MS4A10: variants seen among roughly 807,000 people sequenced by gnomAD.
The protein encoded by MS4A10 is membrane-spanning 4-domains subfamily A member 10.
Under a neutral mutation model 27.7 loss-of-function variants are expected in MS4A10, and 27 were observed. The observed-to-expected ratio is 0.98, with a 90% CI of 0.72 to 1.35. The LOEUF (loss-of-function observed/expected upper bound fraction) is 1.35. Among genes scored for constraint, MS4A10 ranks in the 40% most tolerant of loss-of-function variants. MS4A10 has a pLI of 0.00. For missense variants in MS4A10, 338 were observed against 324.7 expected (o/e 1.04, Z -0.32); for synonymous variants, 139 against 131.2 (o/e 1.06, Z -0.41).
chr11:60,791,504 G>C (rs1051597597), intron 3 of MS4A10, among the ~76,000 whole-genome samples: 1 of 152,186 alleles, frequency 6.6e-6, no homozygotes, highest in African/African-American at 2.4e-5. Flanking sequence ...TGTGGCTCCT[G>C]TCCTCCCAAG....
At chr11:60,794,556 G>C (rs758467284) in intron 5 of MS4A10, among the ~76,000 whole-genome samples, 1 of 152,228 alleles carries the variant, frequency 6.6e-6, no homozygotes, top group Admixed American at 6.5e-5. Flanking sequence ...AGAGAGGCTA[G>C]ATTAGTGGGT....
At position 60,795,576 on chromosome 11, in the gene MS4A10, C is replaced by T. The variant is rs1285052351; in HGVS notation, c.514C>T (p.Leu172=). Reference sequence around the variant, plus strand: ...TCAGGTCCACATCCAGAGGCTGGAGCTGGCCTTGCTCTGCTTCACTGTCCT... The same window carrying T: ...TCAGGTCCACATCCAGAGGCTGGAGTTGGCCTTGCTCTGCTTCACTGTCCT... ...NSTVHIQRLE[L]ALLCFTVLEL... is the part of the protein sequence containing the mutation. Residue 172 remains leucine, a synonymous_variant, in exon 6 of 8, where the codon CTG becomes TTG. Coordinates refer to ENST00000308287, the MANE Select transcript of MS4A10 (RefSeq NM_206893.4). The T allele has an allele frequency of 6.4e-7, 1 of 1,574,204 alleles. No individual in the cohort carries two copies. The highest frequency in any genetic ancestry group is 2.4e-5 in the East Asian group (1 of 41,796).
intron 5 of MS4A10, among the ~76,000 whole-genome samples, chr11:60,794,572 A>G (rs1158451501): frequency 6.6e-6 from 1 of 151,928 alleles, no homozygotes; most frequent in African/African-American, 2.4e-5. Context: ...TGGGTCTTTG[A>G]CTCCAAGCCT....
In MS4A10 at chr11:60,800,041, C is replaced by A; in HGVS notation, c.*132C>A. The A allele has an allele frequency of 3.0e-6, 4 of 1,322,232 alleles. No homozygotes were observed. Among genetic ancestry groups the A allele is most frequent in the East Asian group, 2.6e-5 (1 of 39,162 alleles). The allele number at this position is 1,322,232 out of a possible 1,614,324, so 81.9% of individuals were successfully genotyped here. On this transcript the variant is annotated 3_prime_UTR_variant, in exon 8 of 8. Transcript: ENST00000308287. ...GCGATGGTCTATACAGCAAAGTCAG[C>A]CCTCACAGCTCCTGGGAACGCTGTC...
intron 1 of MS4A10, among the ~76,000 whole-genome samples, chr11:60,786,136 C>T (rs115610994): frequency 6.6e-6 from 1 of 151,978 alleles, no homozygotes; most frequent in African/African-American, 2.4e-5. Context: ...TCCTGCCTTT[C>T]TGTCCTTGAC....
At position 60,785,794 on chromosome 11, in the gene MS4A10, A is replaced by G. The variant is rs1296056376; in HGVS notation, c.-23+373A>G. Among the ~76,000 whole-genome samples, 3 of 152,184 alleles carry G rather than the reference A, an allele frequency of 2.0e-5. No homozygotes were observed. The East Asian group carries it at 5.8e-4, about 29-fold the overall frequency. ...CTTTTCTTGCAGTCTGGAAATGCAT[A>G]CACACAGAGAGACCAGTTCAAGAAA... is the stretch of plus-strand genomic sequence containing the variant. On this transcript the variant is annotated intron_variant, in intron 1 of 7. Coordinates refer to ENST00000308287, the MANE Select transcript of MS4A10 (RefSeq NM_206893.4).
At chr11:60,793,747 A>T (rs1854470775) in intron 4 of MS4A10, among the ~76,000 whole-genome samples, 1 of 152,214 alleles carries the variant, frequency 6.6e-6, no homozygotes, top group Non-Finnish European at 1.5e-5. Context: ...GTCCCATAGA[A>T]GGCAAGGGCC....
At chr11:60,790,914 G>C (rs941647349) in intron 2 of MS4A10, 60 bp from the exon 3 acceptor site, 42 of 1,602,122 alleles carry the variant, frequency 2.6e-5, no homozygotes, top group Non-Finnish European at 3.4e-5. Flanking sequence ...GGCACTAGTG[G>C]CCTCAATTAG....
intron 1 of MS4A10, 46 bp from the exon 2 acceptor site, chr11:60,790,268 C>A: frequency 1.3e-6 from 2 of 1,538,252 alleles, no homozygotes; most frequent in Non-Finnish European, 1.8e-6. Context: ...AGGCACAAGC[C>A]TCAGAAATGA....
intron 1 of MS4A10, among the ~76,000 whole-genome samples, chr11:60,786,173 G>GCACACACACACACACGCACACA (rs1420407815): frequency 7.1e-6 from 1 of 139,892 alleles, no homozygotes; most frequent in Non-Finnish European, 1.5e-5. Flanking sequence ...GCACACACAT[G>GCACACACACACACACGCACACA]CACACACACA....
chr11:60,796,573 A>G (rs1278177242), intron 6 of MS4A10, among the ~76,000 whole-genome samples: 1 of 152,246 alleles, frequency 6.6e-6, no homozygotes, highest in Non-Finnish European at 1.5e-5. Context: ...GGCATCAGCC[A>G]TCATGCCCAG....
chr11:60,794,649 C>G (rs1356363737), intron 5 of MS4A10, among the ~76,000 whole-genome samples: 3 of 152,176 alleles, frequency 2.0e-5, no homozygotes, highest in African/African-American at 7.2e-5. Flanking sequence ...GCCTCTGGGC[C>G]AGGCTCCAAG....
At chr11:60,790,199 A>C (rs749143940) in intron 1 of MS4A10, 115 bp from the exon 2 acceptor site, 60 of 866,470 alleles carry the variant, frequency 6.9e-5, no homozygotes, top group Non-Finnish European at 1.0e-4. Context: ...CAGACAGGGC[A>C]ACCACAGTTC....
At position 60,800,039 on chromosome 11, in the gene MS4A10, A is replaced by G; in HGVS notation, c.*130A>G. The G allele has an allele frequency of 7.5e-7, 1 of 1,336,624 alleles. No homozygotes were observed. The highest frequency in any genetic ancestry group is 1.0e-6 in the Non-Finnish European group (1 of 983,954). The allele number at this position is 1,336,624 out of a possible 1,614,324, so 82.8% of individuals were successfully genotyped here. On this transcript the variant is annotated 3_prime_UTR_variant, in exon 8 of 8. Transcript: ENST00000308287. ...GAGCGATGGTCTATACAGCAAAGTC[A>G]GCCCTCACAGCTCCTGGGAACGCTG... is the stretch of plus-strand genomic sequence containing the variant.
Position 60,790,351 on chromosome 11 carries a change from A to C in MS4A10, c.16A>C (p.Thr6Pro). Residue 6 changes from threonine (T) to proline (P), a missense_variant, in exon 2 of 8, where the codon ACA (threonine) becomes CCA (proline). Thr to Pro is a conservative substitution (Grantham distance 38, BLOSUM62 -1). Transcript: ENST00000308287. ...TCCAGCATCAATGAAAGCAGAAGCC[A>C]CAGTTATTCCCAGCCGTTGTGCTAG... MKAEATVIPSRCARGL... is the reference protein window; with the variant it reads MKAEAPVIPSRCARGL... The C allele has an allele frequency of 6.2e-7, 1 of 1,614,038 alleles. No individual in the cohort carries two copies. Among genetic ancestry groups the C allele is most frequent in the Middle Eastern group, 1.7e-4 (1 of 6,060 alleles).
At chr11:60,789,069 G>A (rs2134748562) in intron 1 of MS4A10, among the ~76,000 whole-genome samples, 1 of 152,192 alleles carries the variant, frequency 6.6e-6, no homozygotes, top group Non-Finnish European at 1.5e-5. Flanking sequence ...CCCAATCCAG[G>A]ATATAGTCAC....
intron 6 of MS4A10, among the ~76,000 whole-genome samples, chr11:60,797,771 G>C (rs11230480): frequency 0.3 from 45,649 of 152,168 alleles, 7,677 homozygotes; most frequent in Middle Eastern, 0.39. Flanking sequence ...TAGCTAAGAT[G>C]TCCTTGAATC....
intron 1 of MS4A10, among the ~76,000 whole-genome samples, chr11:60,786,430 G>A (rs1854339558): frequency 6.6e-6 from 1 of 152,040 alleles, no homozygotes; most frequent in Non-Finnish European, 1.5e-5. Context: ...AATACACTCA[G>A]TGCCTTTCTT....
At chr11:60,795,709 C>A (rs1324454247) in intron 6 of MS4A10, 44 bp downstream of exon 6, 9 of 1,285,556 alleles carry the variant, frequency 7.0e-6, no homozygotes, top group Non-Finnish European at 9.6e-6. Flanking sequence ...AAAATGGGGG[C>A]ATGAGGCAGC....
Sources: allele counts gnomAD v4.1 joint callset (sites outside exome capture counted in the v4.1 genomes callset), GRCh38; gene constraint gnomAD v4.1.1; transcripts MANE v1.5; gene names NCBI Gene and HGNC (gene_info 2026-07-23, HGNC 2026-07-21).